The following LMBRD2 variants were observed in gnomAD, a reference collection of about 807,000 sequenced individuals.
LMBRD2 encodes the protein G protein-coupled receptor-associated protein LMBRD2.
LMBRD2 carries 55 observed loss-of-function variants against 94.4 expected under a neutral mutation model. That is an observed-to-expected ratio of 0.58 (90% CI 0.47 to 0.73). The LOEUF (loss-of-function observed/expected upper bound fraction) is 0.73. LMBRD2 is among the 30% of genes least tolerant of loss of function. The pLI, the probability that LMBRD2 is intolerant of heterozygous loss-of-function variation, is 0.00. For missense variants in LMBRD2, 640 were observed against 831.9 expected (o/e 0.77, Z 2.84); for synonymous variants, 246 against 272.4 (o/e 0.90, Z 0.95).
At chr5:36,145,401 T>G (rs1375017577) in intron 1 of LMBRD2, among the ~76,000 whole-genome samples, 1 of 152,248 alleles carries the variant, frequency 6.6e-6, no homozygotes, top group Non-Finnish European at 1.5e-5. Flanking sequence ...AATCTTATGT[T>G]TTAAAAAATA....
chr5:36,142,732 T>TTC, intron 2 of LMBRD2, 133 bp from the exon 3 acceptor site: 2 of 525,704 alleles, frequency 3.8e-6, no homozygotes, highest in East Asian at 6.8e-5. Context: ...TTTTTTTTTT[T>TTC]CTTTTTGTGT....
chr5:36,138,431 T>C (rs1266731980), intron 4 of LMBRD2, among the ~76,000 whole-genome samples: 1 of 152,192 alleles, frequency 6.6e-6, no homozygotes, highest in Admixed American at 6.5e-5. Context: ...CCCAAATATG[T>C]GAGCAAAGAG....
At chr5:36,104,298 G>A (rs781491922) in intron 17 of LMBRD2, among the ~76,000 whole-genome samples, 192 bp from the exon 18 acceptor site, 4 of 151,836 alleles carry the variant, frequency 2.6e-5, no homozygotes, top group South Asian at 4.1e-4. Context: ...AACCAGCAAC[G>A]GTTTTAGACC....
At position 36,122,866 on chromosome 5, in the gene LMBRD2, C is replaced by G; in HGVS notation, c.918G>C (p.Leu306=). ...AAGTTACCTGTTTATGCAGTTTTAC[C>G]AGACTTTTTTCACTTGGATAGATAC... ...KHSIYPSEKS[L]VKLHKQVIYS... is the part of the protein sequence containing the mutation. The change falls in exon 8 of 18, where the codon CTG becomes CTC. Residue 306 remains leucine, a synonymous_variant. Coordinates refer to ENST00000296603, the MANE Select transcript of LMBRD2 (RefSeq NM_001007527.2). 6.3e-7 allele frequency: 1 copy of G among 1,593,318 alleles called. No homozygotes were observed. Among genetic ancestry groups the G allele is most frequent in the Non-Finnish European group, 8.5e-7 (1 of 1,173,800 alleles).
At chr5:36,115,703 G>A (rs1743724608) in intron 11 of LMBRD2, among the ~76,000 whole-genome samples, 1 of 146,946 alleles carries the variant, frequency 6.8e-6, no homozygotes, top group Admixed American at 6.6e-5. Flanking sequence ...TGTGTTGGTG[G>A]CTACAGGAAT....
At chr5:36,147,081 T>C (rs1744567284) in intron 1 of LMBRD2, among the ~76,000 whole-genome samples, 1 of 152,112 alleles carries the variant, frequency 6.6e-6, no homozygotes, top group African/African-American at 2.4e-5. Flanking sequence ...TGGGCCTGCC[T>C]GAATAATTTC....
chr5:36,127,857 G>A (rs571722408), intron 6 of LMBRD2, among the ~76,000 whole-genome samples: 10 of 152,292 alleles, frequency 6.6e-5, no homozygotes, highest in Admixed American at 3.3e-4. Context: ...ACAAAAGCTC[G>A]GGTGGCTTTG....
chr5:36,116,137 T>G (rs1266465881), intron 11 of LMBRD2, among the ~76,000 whole-genome samples: 1 of 152,200 alleles, frequency 6.6e-6, no homozygotes, highest in African/African-American at 2.4e-5. Context: ...GACCGCTGAA[T>G]CTTAGAACAC....
chr5:36,117,666 A>G, intron 10 of LMBRD2, 69 bp downstream of exon 10: 1 of 1,103,556 alleles, frequency 9.1e-7, no homozygotes, highest in Non-Finnish European at 1.3e-6. Context: ...GAAGAAATAC[A>G]TGGAGAAAAT....
intron 13 of LMBRD2, 57 bp from the exon 14 acceptor site, chr5:36,111,315 G>C (rs530045934): frequency 9.6e-6 from 11 of 1,150,712 alleles, no homozygotes; most frequent in Admixed American, 1.8e-5. Flanking sequence ...TAAATATTTA[G>C]ATGAATTGTT....
chr5:36,137,258 A>T lies in LMBRD2; in HGVS notation c.536+16T>A. 1 of 1,514,120 alleles carries T rather than the reference A, an allele frequency of 6.6e-7. No individual in the cohort carries two copies. The highest frequency in any genetic ancestry group is 9.0e-7 in the Non-Finnish European group (1 of 1,110,142). 93.8% of individuals were successfully genotyped at this position (1,514,120 alleles called of 1,614,324 possible). ...AACATACATTAAAGCAATGTTAAGA[A>T]GACTACTTTTCTTACCATTCTAAAT... is the stretch of plus-strand genomic sequence containing the variant. On this transcript the variant is annotated intron_variant, in intron 5 of 17. Transcript: ENST00000296603.
At chr5:36,105,746 C>T (rs1038041384) in intron 16 of LMBRD2, among the ~76,000 whole-genome samples, 1 of 152,154 alleles carries the variant, frequency 6.6e-6, no homozygotes, top group Non-Finnish European at 1.5e-5. Flanking sequence ...TATTTAAACA[C>T]AATATATCCA....
rs1427673552 is a variant in LMBRD2 at position 36,110,016 on chromosome 5, A to G, written c.1745-25T>C. 4 of 1,580,206 alleles carry G rather than the reference A, an allele frequency of 2.5e-6. No homozygotes were observed. The African/African-American group carries it at 4.1e-5, about 16-fold the overall frequency. On this transcript the variant is annotated intron_variant, in intron 14 of 17. Transcript: ENST00000296603. ...TCTAAAGACAGAAAAATGATCTCAAATATGGCATAACATGGTTTAATCAGA... is the reference window on the plus strand; with the variant it reads ...TCTAAAGACAGAAAAATGATCTCAAGTATGGCATAACATGGTTTAATCAGA...
intron 15 of LMBRD2, among the ~76,000 whole-genome samples, chr5:36,109,695 T>C (rs2270909): frequency 0.051 from 7,766 of 152,136 alleles, 300 homozygotes; most frequent in East Asian, 0.13. Context: ...ATGGAGCACC[T>C]ACTTTAGCAA....
At position 36,143,300 on chromosome 5, in the gene LMBRD2, G is replaced by A; in HGVS notation, c.50C>T (p.Ala17Val). 4.3e-6 allele frequency: 7 copies of A among 1,613,236 alleles called. No homozygotes were observed. Among genetic ancestry groups the A allele is most frequent in the Non-Finnish European group, 5.9e-6 (7 of 1,179,454 alleles). Residue 17 changes from alanine to valine, a missense_variant, in exon 2 of 18, where the codon GCA becomes GTA. By Grantham distance (64) the Ala-to-Val change is moderately conservative (BLOSUM62 0). Around this residue, in one of 2 missense-constraint regions of LMBRD2, gnomAD observed 457 missense variants for 642.8 expected, o/e 0.71. Coordinates refer to ENST00000296603, the MANE Select transcript of LMBRD2 (RefSeq NM_001007527.2). ...TCCATATCGATGAAGCAGAAATAAT[G>A]CCAGAAAAAAGACAAAAACAATCTC... The part of the protein sequence containing the change: ...GLEIVFVFFL[A>V]LFLLHRYGDF...
intron 4 of LMBRD2, among the ~76,000 whole-genome samples, chr5:36,140,630 G>A (rs1483336153): frequency 1.3e-5 from 2 of 152,178 alleles, no homozygotes; most frequent in African/African-American, 4.8e-5. Flanking sequence ...TTTAACTGCT[G>A]GATGGAAAGT....
chr5:36,131,226 G>GA (rs1285876615), intron 6 of LMBRD2, among the ~76,000 whole-genome samples: 1 of 151,966 alleles, frequency 6.6e-6, no homozygotes, highest in Non-Finnish European at 1.5e-5. Flanking sequence ...TAGAATGAAG[G>GA]AAAAAAGCCA....
intron 1 of LMBRD2, among the ~76,000 whole-genome samples, chr5:36,143,975 TACTC>T (rs1230963419): frequency 6.6e-6 from 1 of 151,976 alleles, no homozygotes; most frequent in East Asian, 1.9e-4. Flanking sequence ...ATGAAATTCT[TACTC>T]ACTGCTTTAC....
chr5:36,148,185 TGA>T, intron 1 of LMBRD2, among the ~76,000 whole-genome samples: 1 of 151,420 alleles, frequency 6.6e-6, no homozygotes, highest in Middle Eastern at 3.4e-3. Flanking sequence ...ATTTCAGGTA[TGA>T]GAGAGTTCAG....
Sources: allele counts gnomAD v4.1 joint callset (sites outside exome capture counted in the v4.1 genomes callset), GRCh38; gene constraint gnomAD v4.1.1; regional missense constraint gnomAD v4.1.1; transcripts MANE v1.5; gene names NCBI Gene and HGNC (gene_info 2026-07-23, HGNC 2026-07-21).